Variants in TAFA5 observed in about 807,000 individuals in gnomAD.
The protein encoded by TAFA5 is TAFA chemokine like family member 5, also known as chemokine-like protein TAFA-5.
In TAFA5, 6 loss-of-function variants were observed where a neutral mutation model predicts 15.3. The observed-to-expected ratio is 0.39, with a 90% CI of 0.21 to 0.77. The LOEUF (loss-of-function observed/expected upper bound fraction) is 0.77. Ranked by LOEUF, TAFA5 falls within the 30% of genes least tolerant of loss-of-function variation. The pLI, the probability that TAFA5 is intolerant of heterozygous loss-of-function variation, is 0.41. For missense variants in TAFA5, 161 were observed against 193.1 expected, an observed-to-expected ratio of 0.83 and a Z score of 0.98; for synonymous variants, 103 against 80.7, an observed-to-expected ratio of 1.28 and a Z score of -1.48.
intron 3 of TAFA5, among the ~76,000 whole-genome samples, chr22:48,717,218 C>A (rs777229772): frequency 1.4e-4 from 22 of 152,200 alleles, no homozygotes; most frequent in Non-Finnish European, 2.9e-4. Flanking sequence ...GGGTTCTCAG[C>A]AGATCGCCGA....
At position 48,560,963 on chromosome 22, in the gene TAFA5, C is replaced by T. The variant is rs1449386338; in HGVS notation, c.112+71259C>T. Among the ~76,000 whole-genome samples, 1 of 152,142 alleles carries T rather than the reference C, an allele frequency of 6.6e-6. No homozygotes were observed. The highest frequency in any genetic ancestry group is 1.5e-5 in the Non-Finnish European group (1 of 68,028). On this transcript the variant is annotated intron_variant, in intron 1 of 3. Coordinates refer to ENST00000402357, the MANE Select transcript of TAFA5 (RefSeq NM_001082967.3). This position sits in a 1 kb window ranked among gnomAD's most constrained non-coding sequence, Gnocchi z 4.2. ...TTGGCTCCTGTGTGTGAGCAGTTCT[C>T]ATCCTGTGCAGTCCTCTACACCTGG...
intron 1 of TAFA5, among the ~76,000 whole-genome samples, chr22:48,597,347 C>G (rs1318383234): frequency 6.6e-6 from 1 of 150,990 alleles, no homozygotes; most frequent in Non-Finnish European, 1.5e-5. Context: ...TGGGAGCCAC[C>G]TGCCACCCTC....
At chr22:48,517,825 C>T (rs1188457830) in intron 1 of TAFA5, among the ~76,000 whole-genome samples, 1 of 152,202 alleles carries the variant, frequency 6.6e-6, no homozygotes, top group East Asian at 1.9e-4. Flanking sequence ...GTTGGTTGCT[C>T]CTCCCCCGCC....
intron 2 of TAFA5, among the ~76,000 whole-genome samples, chr22:48,676,261 G>A (rs905220683): frequency 6.6e-6 from 1 of 152,252 alleles, no homozygotes; most frequent in African/African-American, 2.4e-5. Context: ...TGGGGTCCAG[G>A]TTCCATCTGG....
intron 1 of TAFA5, among the ~76,000 whole-genome samples, chr22:48,589,402 G>A (rs376154860): frequency 3.9e-5 from 6 of 151,902 alleles, no homozygotes; most frequent in Admixed American, 6.6e-5. Flanking sequence ...AACCAGGGTC[G>A]GTTGGAGGTC....
chr22:48,739,656 C>T (rs1045580483), intron 3 of TAFA5, among the ~76,000 whole-genome samples: 6 of 152,146 alleles, frequency 3.9e-5, no homozygotes, highest in African/African-American at 1.4e-4. Context: ...AACTGATCTT[C>T]GAGCTCGCTG....
Position 48,681,882 on chromosome 22 carries a change from G to T in TAFA5, c.263-25835G>T, listed in dbSNP as rs1928202825. ...ACCCCGTCGTTGGGGGCTGGACATT[G>T]AGGGGAAATGGCCTTAGGTTCTCGC... On this transcript the variant is annotated intron_variant, in intron 2 of 3. Coordinates refer to ENST00000402357, the MANE Select transcript of TAFA5 (RefSeq NM_001082967.3). Among the ~76,000 whole-genome samples the T allele has an allele frequency of 3.5e-5, 2 of 57,510 alleles. 1 individual carries two copies. Among genetic ancestry groups the T allele is most frequent in the African/African-American group, 8.6e-5 (2 of 23,144 alleles). The allele number at this position is 57,510 out of a possible 152,430, so 37.7% of individuals were successfully genotyped here. A position where few individuals can be genotyped will look rare whatever the true frequency, so the allele number is the denominator to read the frequency against.
At chr22:48,499,350 G>A (rs956776218) in intron 1 of TAFA5, among the ~76,000 whole-genome samples, 1 of 152,168 alleles carries the variant, frequency 6.6e-6, no homozygotes, top group African/African-American at 2.4e-5. Context: ...GGAGGTGGCT[G>A]AGTCCCCAAG....
chr22:48,670,617 G>T (rs73175137), intron 2 of TAFA5, among the ~76,000 whole-genome samples: 9,991 of 152,346 alleles, frequency 0.066, 604 homozygotes, highest in African/African-American at 0.16. Flanking sequence ...CGTGGCCTGG[G>T]CAGGGTCGAA....
intron 1 of TAFA5, among the ~76,000 whole-genome samples, chr22:48,627,995 T>TG (rs1175979948): frequency 1.3e-5 from 2 of 151,732 alleles, no homozygotes; most frequent in African/African-American, 2.4e-5. Context: ...AGGCTCAGTG[T>TG]GGGGGAACCT....
At chr22:48,732,047 T>G (rs11913634) in intron 3 of TAFA5, among the ~76,000 whole-genome samples, 10,784 of 152,148 alleles carry the variant, frequency 0.071, 1,065 homozygotes, top group African/African-American at 0.22. Context: ...CTGTTTGGAA[T>G]AAGTTGAATC....
At position 48,663,478 on chromosome 22, in the gene TAFA5, A is replaced by G. The variant is rs1344079322; in HGVS notation, c.262+16732A>G. 2.0e-5 allele frequency among the ~76,000 whole-genome samples: 3 copies of G among 152,232 alleles called. No homozygotes were observed. The East Asian group carries it at 5.8e-4, about 29-fold the overall frequency. The stretch of plus-strand genomic sequence containing the variant: ...ACGGTGACTTAGGGCCTTTGCAAGC[A>G]TGATTTTACCCAGCTGACTCTGTCT... On this transcript the variant is annotated intron_variant, in intron 2 of 3. Coordinates refer to ENST00000402357, the MANE Select transcript of TAFA5 (RefSeq NM_001082967.3).
chr22:48,615,921 G>C (rs934661886), intron 1 of TAFA5, among the ~76,000 whole-genome samples: 4 of 152,200 alleles, frequency 2.6e-5, no homozygotes, highest in African/African-American at 9.6e-5. Flanking sequence ...CCTCACCCTG[G>C]CTTTGCCCTA....
intron 2 of TAFA5, among the ~76,000 whole-genome samples, chr22:48,698,319 T>C (rs1036400028): frequency 2.0e-5 from 3 of 151,364 alleles, no homozygotes; most frequent in Admixed American, 6.6e-5. Flanking sequence ...CTACTAAAAA[T>C]ACAAAAATTA....
chr22:48,534,246 A>G (rs4378908), intron 1 of TAFA5, among the ~76,000 whole-genome samples: 1 of 150,050 alleles, frequency 6.7e-6, no homozygotes, highest in South Asian at 2.1e-4. Context: ...CAGGCAGGTG[A>G]AATGAGTAAG....
chr22:48,567,667 A>G (rs1923453705), intron 1 of TAFA5, among the ~76,000 whole-genome samples: 1 of 152,110 alleles, frequency 6.6e-6, no homozygotes, highest in East Asian at 1.9e-4. Context: ...TTCACTCAGA[A>G]CTCACCAGCT....
chr22:48,589,873 G>A (rs922830894), intron 1 of TAFA5, among the ~76,000 whole-genome samples: 1 of 152,168 alleles, frequency 6.6e-6, no homozygotes, highest in Admixed American at 6.5e-5. Flanking sequence ...AGAACTGTGA[G>A]AGCAGAAACT....
chr22:48,657,958 C>T (rs893095574), intron 2 of TAFA5, among the ~76,000 whole-genome samples: 1 of 152,208 alleles, frequency 6.6e-6, no homozygotes, highest in African/African-American at 2.4e-5. Flanking sequence ...AATAATGCCG[C>T]TTGCCTCATC....
At chr22:48,666,838 G>A (rs1927633790) in intron 2 of TAFA5, among the ~76,000 whole-genome samples, 1 of 152,204 alleles carries the variant, frequency 6.6e-6, no homozygotes, top group African/African-American at 2.4e-5. Context: ...GCTGTGGGGA[G>A]CATTCCATCC....
Sources: gnomAD v4.1 joint callset for allele counts (sites outside exome capture counted in the v4.1 genomes callset) on GRCh38, gnomAD v4.1.1 for gene constraint, Gnocchi (gnomAD v3.1) non-coding constraint, MANE v1.5 for transcripts, NCBI Gene and HGNC (gene_info 2026-07-23, HGNC 2026-07-21) for gene names.